TAGLN3: variants seen among roughly 807,000 people sequenced by gnomAD.
The protein encoded by TAGLN3 is transgelin 3.
TAGLN3 carries 12 observed loss-of-function variants against 25.4 expected under a neutral mutation model. The observed-to-expected ratio is 0.47, with a 90% CI of 0.30 to 0.77. The LOEUF is 0.77. Ranked by LOEUF, TAGLN3 falls within the 30% of genes least tolerant of loss-of-function variation. TAGLN3 has a pLI of 0.06. For synonymous variants in TAGLN3, 96 were observed against 94.8 expected, an observed-to-expected ratio of 1.01 and a Z score of -0.08; for missense variants, 218 against 255.8, an observed-to-expected ratio of 0.85 and a Z score of 1.01.
At chr3:112,002,245 T>C (rs11929538) in intron 3 of TAGLN3, among the ~76,000 whole-genome samples, 40,473 of 152,158 alleles carry the variant, frequency 0.27, 5,582 homozygotes, top group Admixed American at 0.32. Flanking sequence ...GATGTTTTCC[T>C]ATGCACAAGG....
At position 112,013,591 on chromosome 3, in the gene TAGLN3, C is replaced by T; in HGVS notation, c.*40C>T. On this transcript the variant is annotated 3_prime_UTR_variant, in exon 5 of 5. Transcript: ENST00000478951. ...CCCCTGGTAGAGAGGACGAATGTTCCACACCATGGTCTCTACGAAAAAGAA... is the reference window on the plus strand; with the variant it reads ...CCCCTGGTAGAGAGGACGAATGTTCTACACCATGGTCTCTACGAAAAAGAA... 1 of 1,613,602 alleles carries T rather than the reference C, an allele frequency of 6.2e-7. No individual in the cohort carries two copies. Among genetic ancestry groups the T allele is most frequent in the Non-Finnish European group, 8.5e-7 (1 of 1,179,694 alleles).
chr3:112,010,381 C>G (rs956761154), intron 3 of TAGLN3, among the ~76,000 whole-genome samples: 10 of 152,164 alleles, frequency 6.6e-5, no homozygotes, highest in Admixed American at 2.0e-4. Context: ...TCTAGGTTCC[C>G]TTTAATAGTT....
intron 3 of TAGLN3, among the ~76,000 whole-genome samples, chr3:112,006,587 A>C (rs774754): frequency 0.23 from 34,698 of 152,030 alleles, 4,326 homozygotes; most frequent in East Asian, 0.53. Flanking sequence ...AGGCTGAGTC[A>C]AGACTGATAT....
intron 2 of TAGLN3, 55 bp downstream of exon 2, chr3:111,999,657 G>C: frequency 1.3e-6 from 2 of 1,585,616 alleles, no homozygotes; most frequent in Non-Finnish European, 1.7e-6. Flanking sequence ...AACCCTCCAG[G>C]GCCCTTTCTT....
intron 3 of TAGLN3, among the ~76,000 whole-genome samples, 156 bp from the exon 4 acceptor site, chr3:112,011,607 A>C (rs561876653): frequency 2.3e-4 from 35 of 152,318 alleles, no homozygotes; most frequent in African/African-American, 8.4e-4. Context: ...TGGTTGTCTT[A>C]GGGCCACTTT....
chr3:111,999,816 C>CA (rs2107718497), intron 2 of TAGLN3, among the ~76,000 whole-genome samples: 1 of 152,322 alleles, frequency 6.6e-6, no homozygotes, highest in African/African-American at 2.4e-5. Context: ...CTCACCCTAG[C>CA]ATTACATCTC....
chr3:112,002,631 G>C (rs2072872946), intron 3 of TAGLN3, among the ~76,000 whole-genome samples: 2 of 139,520 alleles, frequency 1.4e-5, no homozygotes, highest in South Asian at 4.6e-4. Context: ...GAATGGAAGG[G>C]ACCCGGGTGA....
At chr3:112,000,142 T>C (rs1385738677) in intron 2 of TAGLN3, among the ~76,000 whole-genome samples, 2 of 152,168 alleles carry the variant, frequency 1.3e-5, no homozygotes, top group African/African-American at 4.8e-5. Context: ...TGTTTGAGGG[T>C]TTGAGGGCCG....
chr3:111,999,215 C>A (rs1288129113), intron 1 of TAGLN3, 101 bp downstream of exon 1: 13 of 541,482 alleles, frequency 2.4e-5, no homozygotes, highest in South Asian at 5.1e-5. Flanking sequence ...GAGTTACTGG[C>A]GGGTAGCTGT....
At chr3:112,006,708 C>A (rs952399960) in intron 3 of TAGLN3, among the ~76,000 whole-genome samples, 1 of 152,196 alleles carries the variant, frequency 6.6e-6, no homozygotes, top group African/African-American at 2.4e-5. Context: ...TTGACACACC[C>A]AAATGACTTC....
intron 2 of TAGLN3, among the ~76,000 whole-genome samples, chr3:111,999,945 C>T (rs1311077682): frequency 6.6e-6 from 1 of 152,284 alleles, no homozygotes; most frequent in East Asian, 1.9e-4. Flanking sequence ...CCATTTCTTT[C>T]CCTAGGGGAT....
At chr3:112,004,183 G>T (rs1576077736) in intron 3 of TAGLN3, among the ~76,000 whole-genome samples, 1 of 148,178 alleles carries the variant, frequency 6.7e-6, no homozygotes, top group Non-Finnish European at 1.5e-5. Context: ...AATGGAAGGG[G>T]CCTGGGAAGT....
rs1382251898 is a variant in TAGLN3 at position 111,999,120 on chromosome 3, T to C, written c.-3+6T>C. On this transcript the variant is annotated splice_donor_region_variant and intron_variant, in intron 1 of 4. Transcript: ENST00000478951. ...CTGGGGGTTCAGACTTGATTGTGAG[T>C]CCGTGTTATATCATCTGGTCTCATT... 1 of 228,344 alleles carries C rather than the reference T, an allele frequency of 4.4e-6. No individual in the cohort carries two copies. Among genetic ancestry groups the C allele is most frequent in the Non-Finnish European group, 8.6e-6 (1 of 116,934 alleles). 14.1% of individuals were successfully genotyped at this position (228,344 alleles called of 1,614,324 possible). A position where few individuals can be genotyped will look rare whatever the true frequency, so the allele number is the denominator to read the frequency against.
chr3:112,001,330 C>T (rs1456728312), intron 3 of TAGLN3, among the ~76,000 whole-genome samples: 2 of 152,172 alleles, frequency 1.3e-5, no homozygotes, highest in Non-Finnish European at 2.9e-5. Flanking sequence ...ATAGACAAAG[C>T]CATCTGGGGC....
Position 112,000,840 on chromosome 3 carries a change from A to G in TAGLN3, c.249A>G (p.Ser83=). ...AGCCCATACCCAAGATCTCAGAGTC[A>G]AAGATGGCTTTTAAGCAGATGGAGC... The part of the protein sequence containing the change: ...GQEPIPKISE[S]KMAFKQMEQI... The change falls in exon 3 of 5, where the codon TCA becomes TCG. Residue 83 remains serine (S), a synonymous_variant. Transcript: ENST00000478951. The G allele has an allele frequency of 6.2e-7, 1 of 1,614,204 alleles. No individual in the cohort carries two copies. The highest frequency in any genetic ancestry group is 8.5e-7 in the Non-Finnish European group (1 of 1,180,026).
rs1467439167 is a variant in TAGLN3 at position 112,013,536 on chromosome 3, C to T, written c.585C>T (p.Pro195=). 3.1e-6 allele frequency: 5 copies of T among 1,614,066 alleles called. No individual in the cohort carries two copies. The African/African-American group carries it at 6.7e-5, about 22-fold the overall frequency. The change falls in exon 5 of 5, where the codon CCC becomes CCT. Residue 195 remains proline (P), a synonymous_variant. Transcript: ENST00000478951. ...CGGGCATGACAGGGTACGGGATGCC[C>T]AGGCAGATCATGTAGGACGCGGCAT... The part of the protein sequence containing the change: ...SQAGMTGYGM[P]RQIM
chr3:111,999,996 A>G (rs1028620497), intron 2 of TAGLN3, among the ~76,000 whole-genome samples: 1 of 152,062 alleles, frequency 6.6e-6, no homozygotes, highest in South Asian at 2.1e-4. Flanking sequence ...GAGGAGGGGG[A>G]CTAGCCACCT....
chr3:112,011,722 T>C (rs1190113730), intron 3 of TAGLN3, 41 bp from the exon 4 acceptor site: 2 of 1,580,530 alleles, frequency 1.3e-6, no homozygotes, highest in Non-Finnish European at 1.7e-6. Flanking sequence ...ATTCCTTGGC[T>C]CTGACACGTG....
chr3:112,005,522 C>T (rs1016217822), intron 3 of TAGLN3, among the ~76,000 whole-genome samples: 1 of 151,894 alleles, frequency 6.6e-6, no homozygotes, highest in East Asian at 1.9e-4. Flanking sequence ...ATTGGAAGGG[C>T]CTGGAGGTTC....
Sources: allele counts gnomAD v4.1 joint callset (sites outside exome capture counted in the v4.1 genomes callset), GRCh38; gene constraint gnomAD v4.1.1; transcripts MANE v1.5; gene names NCBI Gene and HGNC (gene_info 2026-07-23, HGNC 2026-07-21).